Variants in RIPOR3 observed in about 807,000 individuals in gnomAD.
The protein encoded by RIPOR3 is family with sequence similarity 65 member C.
In RIPOR3, 95 loss-of-function variants were observed where a neutral mutation model predicts 114.3. The observed-to-expected ratio is 0.83, with a 90% CI of 0.70 to 0.99. RIPOR3 has a LOEUF of 0.99. Ranked by LOEUF, RIPOR3 falls within the 50% of genes least tolerant of loss-of-function variation. RIPOR3 has a pLI of 0.00. For synonymous variants in RIPOR3, 575 were observed against 543.8 expected (o/e 1.06, Z -0.80); for missense variants, 1,252 against 1,266.9 (o/e 0.99, Z 0.18).
intron 3 of RIPOR3, 56 bp from the exon 4 acceptor site, chr20:50,616,136 A>C: frequency 2.6e-6 from 4 of 1,547,268 alleles, no homozygotes; most frequent in Non-Finnish European, 3.5e-6. Flanking sequence ...AAGGGAAAGG[A>C]AGTAGGCCAA....
Position 50,587,299 on chromosome 20 carries a change from T to TC in RIPOR3, c.2785dup (p.Asp929GlyfsTer18). 6.2e-7 allele frequency: 1 copy of TC among 1,614,212 alleles called. No homozygotes were observed. On this transcript the variant is annotated frameshift_variant, in exon 22 of 22. Transcript: ENST00000327979. LOFTEE classifies it high-confidence loss of function. ...TTCTCTTTGTTCTGAGCAGAGCTTG[T>TC]CCATCTTCTCAAAAGCTAACCGTCC...
intron 1 of RIPOR3, among the ~76,000 whole-genome samples, chr20:50,636,144 T>C (rs548447551): frequency 5.8e-4 from 88 of 152,296 alleles, no homozygotes; most frequent in Non-Finnish European, 6.6e-4. Context: ...GCAGTGTTTC[T>C]TGTGGTAAAA....
intron 3 of RIPOR3, among the ~76,000 whole-genome samples, chr20:50,617,908 C>T (rs1459291327): frequency 4.6e-5 from 7 of 152,068 alleles, no homozygotes; most frequent in Non-Finnish European, 8.8e-5. Flanking sequence ...AGGCCCACTG[C>T]GTCTGGCCTG....
chr20:50,624,750 G>A (rs1327513259), intron 2 of RIPOR3, among the ~76,000 whole-genome samples: 4 of 152,238 alleles, frequency 2.6e-5, no homozygotes, highest in Non-Finnish European at 5.9e-5. Context: ...ACGGGCACGT[G>A]CAACCTGCCG....
Position 50,604,632 on chromosome 20 carries a change from A to C in RIPOR3, c.1086+13T>G. On this transcript the variant is annotated intron_variant, in intron 12 of 21. Coordinates refer to ENST00000327979, the MANE Select transcript of RIPOR3 (RefSeq NM_001290268.2). ...GTGACCACAGCGGCCCTGCCCCGGG[A>C]AGGCTCACTCACCAGGTAGTATCTC... is the stretch of plus-strand genomic sequence containing the variant. The C allele has an allele frequency of 6.2e-7, 1 of 1,601,802 alleles. No individual in the cohort carries two copies. The highest frequency in any genetic ancestry group is 8.5e-7 in the Non-Finnish European group (1 of 1,174,874).
At chr20:50,657,643 A>G (rs987122578) in intron 1 of RIPOR3, among the ~76,000 whole-genome samples, 1 of 152,090 alleles carries the variant, frequency 6.6e-6, no homozygotes, top group Non-Finnish European at 1.5e-5. Context: ...TCATTCTTAA[A>G]TCTGCATTAA....
chr20:50,593,191 G>T lies in RIPOR3; in HGVS notation c.2218C>A (p.Arg740Ser), dbSNP rs372814425. ...KYPGQLEIAC[R>S]RLLEQVVSCG... ...CTGACCACCTGCTCCAGGAGCCTGC[G>T]GCACGCTGGCCAAAGGGGAGAGTAC... is the stretch of plus-strand genomic sequence containing the variant. The change falls in exon 18 of 22, where the codon CGC (arginine) becomes AGC (serine). Residue 740 changes from arginine to serine, a missense_variant. Physicochemically the swap from Arg to Ser is moderately radical, Grantham distance 110. Coordinates refer to ENST00000327979, the MANE Select transcript of RIPOR3 (RefSeq NM_001290268.2). The T allele has an allele frequency of 1.2e-6, 2 of 1,611,978 alleles. No homozygotes were observed. The highest frequency in any genetic ancestry group is 1.7e-6 in the Non-Finnish European group (2 of 1,179,974).
At chr20:50,598,381 C>G (rs1427849518) in intron 13 of RIPOR3, among the ~76,000 whole-genome samples, 1 of 152,000 alleles carries the variant, frequency 6.6e-6, no homozygotes, top group African/African-American at 2.4e-5. Context: ...GTGGCTGGCT[C>G]TGGGGCTGGT....
At chr20:50,592,003 G>A (rs930185441) in intron 19 of RIPOR3, among the ~76,000 whole-genome samples, 18 of 152,200 alleles carry the variant, frequency 1.2e-4, no homozygotes, top group African/African-American at 4.1e-4. Flanking sequence ...GCTGAGGCAG[G>A]AGAATTGCTT....
chr20:50,587,994 G>GGGCTGA, intron 20 of RIPOR3, 102 bp from the exon 21 acceptor site: 1 of 1,076,074 alleles, frequency 9.3e-7, no homozygotes, highest in Non-Finnish European at 1.3e-6. Context: ...ATGGTCTCTG[G>GGGCTGA]GGCCTCAGCC....
intron 1 of RIPOR3, among the ~76,000 whole-genome samples, chr20:50,690,750 A>G (rs1408009468): frequency 6.6e-6 from 1 of 152,160 alleles, no homozygotes; most frequent in Non-Finnish European, 1.5e-5. Flanking sequence ...TGAGGACACC[A>G]ATAATACTTA....
intron 2 of RIPOR3, 59 bp downstream of exon 2, chr20:50,630,679 C>A: frequency 6.9e-7 from 1 of 1,444,294 alleles, no homozygotes; most frequent in South Asian, 1.3e-5. Context: ...CCTGCCCTTC[C>A]CCAGCCCATT....
Position 50,610,920 on chromosome 20 carries a change from A to C in RIPOR3, c.373-14T>G. The C allele has an allele frequency of 6.2e-7, 1 of 1,614,122 alleles. No homozygotes were observed. The highest frequency in any genetic ancestry group is 8.5e-7 in the Non-Finnish European group (1 of 1,180,020). Reference sequence around the variant, plus strand: ...ACAGCGCGTTTGCTTCTCCCGGAAAAAGGGAAGATGTTTGCAAAGTTGCCT... The same window carrying C: ...ACAGCGCGTTTGCTTCTCCCGGAAACAGGGAAGATGTTTGCAAAGTTGCCT... On this transcript the variant is annotated splice_polypyrimidine_tract_variant and intron_variant, in intron 5 of 21. Transcript: ENST00000327979.
rs148472955 is a variant in RIPOR3, at chr20:50,637,578, T to G, written c.4-6722A>C. Among the ~76,000 whole-genome samples the G allele has an allele frequency of 3.8e-3, 584 of 152,252 alleles. 3 individuals carry two copies. Among genetic ancestry groups the G allele is most frequent in the African/African-American group, 0.013 (553 of 41,528 alleles). ...TTCTGTCTTTTTAAAAAAAAGTTTTTGGGGCCAGGCACACTCCTATAATTA... is the reference window on the plus strand; with the variant it reads ...TTCTGTCTTTTTAAAAAAAAGTTTTGGGGGCCAGGCACACTCCTATAATTA... On this transcript the variant is annotated intron_variant, in intron 1 of 21. Coordinates refer to ENST00000327979, the MANE Select transcript of RIPOR3 (RefSeq NM_001290268.2).
chr20:50,633,080 A>G (rs1395000591), intron 1 of RIPOR3, among the ~76,000 whole-genome samples: 1 of 152,174 alleles, frequency 6.6e-6, no homozygotes, highest in African/African-American at 2.4e-5. Context: ...CCTGGGCTAC[A>G]TGGTGAAGCC....
chr20:50,601,794 C>T (rs1271098560), intron 13 of RIPOR3, among the ~76,000 whole-genome samples: 3 of 152,234 alleles, frequency 2.0e-5, no homozygotes, highest in African/African-American at 7.2e-5. Flanking sequence ...CAGCCCCGCC[C>T]ACCCAGGTCA....
At chr20:50,675,705 C>A (rs1308902138) in intron 1 of RIPOR3, among the ~76,000 whole-genome samples, 1 of 152,222 alleles carries the variant, frequency 6.6e-6, no homozygotes, top group Non-Finnish European at 1.5e-5. Context: ...AATGCCAACG[C>A]CCATGCTGTT....
intron 20 of RIPOR3, among the ~76,000 whole-genome samples, chr20:50,588,207 C>T (rs772566042): frequency 1.6e-4 from 24 of 152,250 alleles, no homozygotes; most frequent in Non-Finnish European, 2.5e-4. Context: ...TCCTGCCTCC[C>T]TCACGCTCTC....
intron 12 of RIPOR3, among the ~76,000 whole-genome samples, chr20:50,603,491 G>A (rs1439674751): frequency 2.6e-5 from 4 of 152,110 alleles, no homozygotes; most frequent in South Asian, 2.1e-4. Context: ...CACCCGCCTC[G>A]GCCTCTCAAA....
Sources: allele counts gnomAD v4.1 joint callset (sites outside exome capture counted in the v4.1 genomes callset), GRCh38; gene constraint gnomAD v4.1.1; transcripts MANE v1.5; gene names NCBI Gene and HGNC (gene_info 2026-07-23, HGNC 2026-07-21).